Variants in NEGR1 observed in about 807,000 individuals in gnomAD.
The protein encoded by NEGR1 is IgLON family member 4.
In NEGR1, 10 loss-of-function variants were observed where a neutral mutation model predicts 40.9. The ratio of observed to expected loss-of-function variants is 0.24; its 90% CI spans 0.15 to 0.42. The LOEUF is 0.42. Ranked by LOEUF, NEGR1 falls within the 10% of genes least tolerant of loss-of-function variation. NEGR1 has a pLI of 1.00. For missense variants in NEGR1, 352 were observed against 438.9 expected (o/e 0.80, Z 1.77); for synonymous variants, 185 against 166.8 (o/e 1.11, Z -0.84).
At chr1:71,855,528 T>C (rs930558759) in intron 2 of NEGR1, among the ~76,000 whole-genome samples, 4 of 152,058 alleles carry the variant, frequency 2.6e-5, no homozygotes, top group Admixed American at 1.3e-4. Context: ...TTGGAAGATG[T>C]TGAAAAATTA....
At chr1:72,001,445 A>C (rs1646556712) in intron 1 of NEGR1, among the ~76,000 whole-genome samples, 1 of 151,874 alleles carries the variant, frequency 6.6e-6, no homozygotes, top group Non-Finnish European at 1.5e-5. Flanking sequence ...TCTGCATTTT[A>C]ATAAACTCCC....
At chr1:72,044,929 A>C (rs1646987961) in intron 1 of NEGR1, among the ~76,000 whole-genome samples, 1 of 151,882 alleles carries the variant, frequency 6.6e-6, no homozygotes, top group Non-Finnish European at 1.5e-5. Flanking sequence ...ATCCGAGGTC[A>C]TGCTTGTGGT....
intron 1 of NEGR1, among the ~76,000 whole-genome samples, chr1:71,963,424 T>C (rs1039701808): frequency 2.0e-5 from 3 of 152,174 alleles, no homozygotes; most frequent in Non-Finnish European, 4.4e-5. Context: ...CTTTTCCCAG[T>C]ATTTCTCCTC....
intron 1 of NEGR1, among the ~76,000 whole-genome samples, chr1:72,143,431 A>T (rs1027863750): frequency 3.9e-5 from 6 of 151,930 alleles, no homozygotes; most frequent in African/African-American, 1.2e-4. Context: ...AGGAGAGGAT[A>T]AAGATACATA....
intron 6 of NEGR1, among the ~76,000 whole-genome samples, chr1:71,536,814 A>C (rs1363107685): frequency 6.6e-6 from 1 of 151,878 alleles, no homozygotes; most frequent in East Asian, 2.0e-4. Flanking sequence ...CATCCAAGAA[A>C]TATTTAAAAT....
intron 3 of NEGR1, among the ~76,000 whole-genome samples, chr1:71,751,291 T>A (rs1442504941): frequency 1.3e-5 from 2 of 152,296 alleles, no homozygotes; most frequent in East Asian, 3.9e-4. Context: ...AGTTTACTTA[T>A]TTCACCTCTA....
intron 2 of NEGR1, among the ~76,000 whole-genome samples, chr1:71,926,012 A>T (rs1196969452): frequency 6.6e-6 from 1 of 152,096 alleles, no homozygotes; most frequent in Non-Finnish European, 1.5e-5. Context: ...TCCAATACAG[A>T]TTTCACATGC....
intron 4 of NEGR1, among the ~76,000 whole-genome samples, chr1:71,685,556 G>A (rs907136718): frequency 6.6e-6 from 1 of 152,076 alleles, no homozygotes; most frequent in African/African-American, 2.4e-5. Flanking sequence ...TCCTGACTTT[G>A]TTCTCTGTCC....
At chr1:71,830,449 A>C (rs1219352043) in intron 2 of NEGR1, among the ~76,000 whole-genome samples, 2 of 151,940 alleles carry the variant, frequency 1.3e-5, no homozygotes, top group Non-Finnish European at 2.9e-5. Flanking sequence ...GTGTTGAATA[A>C]AATTTTAATT....
chr1:71,932,855 C>T (rs1645868167), intron 2 of NEGR1, among the ~76,000 whole-genome samples: 1 of 151,974 alleles, frequency 6.6e-6, no homozygotes, highest in African/African-American at 2.4e-5. Flanking sequence ...TACTTTTGTT[C>T]ATTGAGAAGA....
At chr1:71,914,093 G>T (rs902326803) in intron 2 of NEGR1, among the ~76,000 whole-genome samples, 1 of 152,138 alleles carries the variant, frequency 6.6e-6, no homozygotes, top group Admixed American at 6.6e-5. Context: ...AGAGCTTATG[G>T]TCAACTTAGG....
intron 6 of NEGR1, among the ~76,000 whole-genome samples, chr1:71,498,889 C>T (rs1439354518): frequency 6.6e-6 from 1 of 152,122 alleles, no homozygotes; most frequent in Non-Finnish European, 1.5e-5. Flanking sequence ...ACCCAGCTGC[C>T]TGCCAGGTCT....
intron 6 of NEGR1, among the ~76,000 whole-genome samples, chr1:71,504,305 G>A (rs946584988): frequency 1.3e-5 from 2 of 151,908 alleles, no homozygotes; most frequent in African/African-American, 4.8e-5. Flanking sequence ...TGCAAGGAGA[G>A]AGGAAGAAAA....
At chr1:71,413,985 C>G (rs1363666391) in intron 6 of NEGR1, among the ~76,000 whole-genome samples, 1 of 152,068 alleles carries the variant, frequency 6.6e-6, no homozygotes, top group Non-Finnish European at 1.5e-5. Context: ...CCTTAAATTA[C>G]TCAAGCTTTA....
intron 6 of NEGR1, among the ~76,000 whole-genome samples, chr1:71,419,552 T>G (rs559075838): frequency 2.0e-5 from 3 of 151,914 alleles, no homozygotes; most frequent in Non-Finnish European, 2.9e-5. Context: ...ATTAAATCTG[T>G]TTTTTTTCCT....
chr1:72,003,994 A>C (rs1194894489), intron 1 of NEGR1, among the ~76,000 whole-genome samples: 1 of 152,046 alleles, frequency 6.6e-6, no homozygotes, highest in Non-Finnish European at 1.5e-5. Flanking sequence ...ATAAAGATAT[A>C]TATATTTTCT....
intron 6 of NEGR1, among the ~76,000 whole-genome samples, chr1:71,500,625 A>G (rs1019491468): frequency 2.0e-5 from 3 of 152,074 alleles, no homozygotes; most frequent in Non-Finnish European, 4.4e-5. Context: ...AGTTATCATT[A>G]CATTAAATGT....
chr1:71,808,503 C>T (rs766270406), intron 2 of NEGR1, among the ~76,000 whole-genome samples: 1 of 152,060 alleles, frequency 6.6e-6, no homozygotes, highest in Non-Finnish European at 1.5e-5. Context: ...GGTTAGGGAG[C>T]CTGTCAGTCA....
At chr1:71,423,216 C>A (rs1301443457) in intron 6 of NEGR1, among the ~76,000 whole-genome samples, 1 of 151,792 alleles carries the variant, frequency 6.6e-6, no homozygotes, top group Non-Finnish European at 1.5e-5. Context: ...AGCGAAAAAT[C>A]CCATCTCTAC....
Sources: allele counts gnomAD v4.1 joint callset (sites outside exome capture counted in the v4.1 genomes callset), GRCh38; gene constraint gnomAD v4.1.1; transcripts MANE v1.5; gene names NCBI Gene and HGNC (gene_info 2026-07-23, HGNC 2026-07-21).